Variants in BCAS4 observed in about 807,000 individuals in gnomAD.
The protein encoded by BCAS4 is breast carcinoma amplified sequence 4.
In BCAS4, 9 loss-of-function variants were observed where a neutral mutation model predicts 15.7. The observed-to-expected ratio is 0.57, with a 90% CI of 0.34 to 1.00. The LOEUF (loss-of-function observed/expected upper bound fraction) is 1.00, where lower values mean the gene tolerates loss of function less well. Among genes scored for constraint, BCAS4 ranks in the 50% least tolerant of loss-of-function variants. BCAS4 has a pLI of 0.02. For missense variants in BCAS4, 225 were observed against 239.1 expected (o/e 0.94, Z 0.39); for synonymous variants, 101 against 99.5 (o/e 1.02, Z -0.09).
intron 4 of BCAS4, among the ~76,000 whole-genome samples, chr20:50,847,451 C>T (rs921217922): frequency 4.6e-5 from 7 of 152,156 alleles, no homozygotes; most frequent in South Asian, 2.1e-4. Context: ...TAGTGCTCAG[C>T]GGTGAGCGGG....
chr20:50,814,507 A>G (rs2088114203), intron 1 of BCAS4, among the ~76,000 whole-genome samples: 1 of 151,986 alleles, frequency 6.6e-6, no homozygotes, highest in Admixed American at 6.6e-5. Context: ...CTAAACTGGA[A>G]CTCCTGGGCT....
chr20:50,841,216 C>G (rs79859497), intron 3 of BCAS4, among the ~76,000 whole-genome samples: 5,569 of 152,272 alleles, frequency 0.037, 122 homozygotes, highest in Non-Finnish European at 0.043. Context: ...GTTGACCCTG[C>G]TTCCCATTAG....
chr20:50,797,707 C>T (rs2087882648), intron 1 of BCAS4, among the ~76,000 whole-genome samples: 1 of 152,020 alleles, frequency 6.6e-6, no homozygotes, highest in Non-Finnish European at 1.5e-5. Context: ...CTCTTGTTGC[C>T]CAGGCTGGAG....
chr20:50,835,263 T>A (rs1350553385), intron 3 of BCAS4, among the ~76,000 whole-genome samples: 1 of 148,218 alleles, frequency 6.7e-6, no homozygotes, highest in Non-Finnish European at 1.5e-5. Flanking sequence ...TTTTTTTTTT[T>A]GAGATGGAGT....
chr20:50,839,058 C>T (rs1283266811), intron 3 of BCAS4, among the ~76,000 whole-genome samples: 1 of 152,188 alleles, frequency 6.6e-6, no homozygotes, highest in East Asian at 1.9e-4. Context: ...GGGAGGACTG[C>T]ATTTCATGGT....
chr20:50,819,336 C>G (rs1015283541), intron 2 of BCAS4, among the ~76,000 whole-genome samples: 3 of 152,188 alleles, frequency 2.0e-5, no homozygotes, highest in African/African-American at 7.2e-5. Context: ...CTTGAGGTGT[C>G]TGCCTGGAGG....
intron 4 of BCAS4, among the ~76,000 whole-genome samples, chr20:50,861,422 G>T (rs1382332154): frequency 6.6e-6 from 1 of 152,266 alleles, no homozygotes; most frequent in Non-Finnish European, 1.5e-5. Context: ...GGAGGGGCTG[G>T]ACCAGAGCTT....
At chr20:50,842,747 G>A (rs1421679275) in intron 4 of BCAS4, among the ~76,000 whole-genome samples, 6 of 152,052 alleles carry the variant, frequency 3.9e-5, no homozygotes, top group African/African-American at 7.2e-5. Context: ...GTGAGAAGAC[G>A]GAGGCTCGGG....
chr20:50,868,186 G>A (rs1979449846), intron 4 of BCAS4, among the ~76,000 whole-genome samples: 1 of 152,164 alleles, frequency 6.6e-6, no homozygotes, highest in African/African-American at 2.4e-5. Flanking sequence ...TGATGCTGCT[G>A]GACGTGGGTC....
chr20:50,837,606 C>T (rs1445962532), intron 3 of BCAS4, among the ~76,000 whole-genome samples: 1 of 152,228 alleles, frequency 6.6e-6, no homozygotes, highest in Non-Finnish European at 1.5e-5. Flanking sequence ...GCGGTGGGCC[C>T]TCTCGCTCAC....
At chr20:50,823,479 G>A (rs1001244760) in intron 2 of BCAS4, among the ~76,000 whole-genome samples, 14 of 152,028 alleles carry the variant, frequency 9.2e-5, no homozygotes, top group South Asian at 2.1e-4. Flanking sequence ...AAAAAGAATC[G>A]ACTGCTATAC....
At chr20:50,804,685 G>C (rs1238786466) in intron 1 of BCAS4, among the ~76,000 whole-genome samples, 1 of 152,218 alleles carries the variant, frequency 6.6e-6, no homozygotes, top group Non-Finnish European at 1.5e-5. Context: ...GTTCGTTACT[G>C]TTGCCAAATT....
downstream of BCAS4, chr20:50,881,031 A>C (rs1233831623): frequency 6.6e-5 from 10 of 152,164 alleles, no homozygotes; most frequent in Admixed American, 6.5e-4. Flanking sequence ...TCAGGAGTTC[A>C]AGACCAGCAT....
chr20:50,845,274 C>T (rs540899799), intron 4 of BCAS4, among the ~76,000 whole-genome samples: 5 of 152,232 alleles, frequency 3.3e-5, no homozygotes, highest in African/African-American at 1.2e-4. Flanking sequence ...CCCTCCCTGA[C>T]CGCCGGACCT....
At position 50,821,115 on chromosome 20, in the gene BCAS4, C is replaced by T. The variant is rs117994082; in HGVS notation, c.162+2833C>T. 9.2e-4 allele frequency among the ~76,000 whole-genome samples: 140 copies of T among 152,288 alleles called. 1 individual carries two copies. Among genetic ancestry groups the T allele is most frequent in the Middle Eastern group, 3.4e-3 (1 of 294 alleles). On this transcript the variant is annotated intron_variant, in intron 2 of 4. Transcript: ENST00000371608. ...AGCTTGATACAGTGCTGGCTGCTCC[C>T]GGGGAGCCTTCCTGACTCCACAGCC...
At chr20:50,861,508 G>T (rs1979067295) in intron 4 of BCAS4, among the ~76,000 whole-genome samples, 1 of 152,186 alleles carries the variant, frequency 6.6e-6, no homozygotes, top group Admixed American at 6.5e-5. Context: ...AGCACGGACG[G>T]CCTGTCTTCT....
chr20:50,796,474 TATATATA>T (rs1569013180), intron 1 of BCAS4, among the ~76,000 whole-genome samples: 25 of 13,478 alleles, frequency 1.9e-3, no homozygotes, highest in African/African-American at 6.5e-3. Flanking sequence ...TATATATATA[TATATATA>T]TATATATTTT....
intron 1 of BCAS4, among the ~76,000 whole-genome samples, chr20:50,817,660 C>T (rs1181429689): frequency 2.6e-5 from 4 of 152,132 alleles, no homozygotes; most frequent in Non-Finnish European, 2.9e-5. Context: ...CGGGGTTCTG[C>T]CATGTTGGTC....
At chr20:50,867,339 G>C (rs1367241668) in intron 4 of BCAS4, among the ~76,000 whole-genome samples, 1 of 152,026 alleles carries the variant, frequency 6.6e-6, no homozygotes, top group Non-Finnish European at 1.5e-5. Flanking sequence ...TTTTGGTCTT[G>C]GGCTTTTGTT....
Sources: gnomAD v4.1 joint callset for allele counts (sites outside exome capture counted in the v4.1 genomes callset) on GRCh38, gnomAD v4.1.1 for gene constraint, MANE v1.5 for transcripts, NCBI Gene and HGNC (gene_info 2026-07-23, HGNC 2026-07-21) for gene names.